The following FBXL17 variants were observed in gnomAD, a reference collection of about 807,000 sequenced individuals.
FBXL17 encodes F-box/LRR-repeat protein 17.
In FBXL17, 22 loss-of-function variants were observed where a neutral mutation model predicts 66.2. The ratio of observed to expected loss-of-function variants is 0.33; its 90% CI spans 0.24 to 0.47. The LOEUF is 0.47. FBXL17 is among the 20% of genes least tolerant of loss of function. The pLI is 1.00. For missense variants in FBXL17, 878 were observed against 948.2 expected (o/e 0.93, Z 0.97); for synonymous variants, 474 against 400.5 (o/e 1.18, Z -2.19).
intron 4 of FBXL17, among the ~76,000 whole-genome samples, chr5:108,321,234 C>T (rs756718452): frequency 5.9e-5 from 9 of 151,644 alleles, no homozygotes; most frequent in Non-Finnish European, 1.0e-4. Flanking sequence ...TCCTTAATTA[C>T]TGAGTATATA....
At chr5:108,168,045 T>C (rs1038596152) in intron 6 of FBXL17, among the ~76,000 whole-genome samples, 1 of 152,202 alleles carries the variant, frequency 6.6e-6, no homozygotes, top group Non-Finnish European at 1.5e-5. Flanking sequence ...GCTTGTCACA[T>C]CTGAATCCCA....
intron 6 of FBXL17, among the ~76,000 whole-genome samples, chr5:108,169,551 C>G (rs902853491): frequency 6.6e-6 from 1 of 151,988 alleles, no homozygotes; most frequent in African/African-American, 2.4e-5. Flanking sequence ...GCATTTTTAT[C>G]CCCCTGTATT....
At chr5:108,031,033 C>T (rs978143658) in intron 6 of FBXL17, among the ~76,000 whole-genome samples, 1 of 152,004 alleles carries the variant, frequency 6.6e-6, no homozygotes, top group Non-Finnish European at 1.5e-5. Flanking sequence ...ATTTGGGGCT[C>T]TGGGAAAAGT....
intron 4 of FBXL17, among the ~76,000 whole-genome samples, chr5:108,233,539 A>C (rs575565148): frequency 5.9e-5 from 9 of 152,318 alleles, no homozygotes; most frequent in African/African-American, 2.2e-4. Context: ...GCACATTTTG[A>C]TCTTTCAGTC....
chr5:108,110,297 T>C (rs1256234280), intron 6 of FBXL17, among the ~76,000 whole-genome samples: 1 of 152,210 alleles, frequency 6.6e-6, no homozygotes, highest in Non-Finnish European at 1.5e-5. Context: ...TCATCAGTAA[T>C]ATAGTCTATT....
intron 6 of FBXL17, among the ~76,000 whole-genome samples, chr5:108,170,722 C>T (rs1278481260): frequency 6.6e-6 from 1 of 152,056 alleles, no homozygotes; most frequent in African/African-American, 2.4e-5. Flanking sequence ...TCAGTAGAGA[C>T]AGGGTTTCAC....
At chr5:107,883,555 T>C (rs1163047114) in intron 7 of FBXL17, among the ~76,000 whole-genome samples, 1 of 152,140 alleles carries the variant, frequency 6.6e-6, no homozygotes, top group Non-Finnish European at 1.5e-5. Flanking sequence ...CTCTTCCCTT[T>C]CCCAACTCCT....
In FBXL17 at chr5:108,283,181, C is replaced by T. The variant is rs1161657090; in HGVS notation, c.1507-58953G>A. 1.2e-4 allele frequency among the ~76,000 whole-genome samples: 18 copies of T among 151,880 alleles called. No homozygotes were observed. In the East Asian group the frequency reaches 2.9e-3, roughly 24 times the overall value. On this transcript the variant is annotated intron_variant, in intron 4 of 8. Transcript: ENST00000542267. ...AAAATTGTATGGAACCAAAAAAGAACTCAAATAGCCAAAGCAATCTTGAAC... is the reference window on the plus strand; with the variant it reads ...AAAATTGTATGGAACCAAAAAAGAATTCAAATAGCCAAAGCAATCTTGAAC...
chr5:108,317,334 GTTTTTTT>G (rs796281587), intron 4 of FBXL17, among the ~76,000 whole-genome samples: 5 of 139,016 alleles, frequency 3.6e-5, no homozygotes, highest in Non-Finnish European at 7.9e-5. Context: ...TTTGTTTTTT[GTTTTTTT>G]TTTTAACTAG....
intron 7 of FBXL17, among the ~76,000 whole-genome samples, chr5:107,986,228 C>A (rs1181779080): frequency 6.6e-6 from 1 of 151,884 alleles, no homozygotes; most frequent in Non-Finnish European, 1.5e-5. Context: ...AAATATACTT[C>A]TTGCCTTCTT....
At chr5:108,344,518 C>T (rs1022302123) in intron 4 of FBXL17, among the ~76,000 whole-genome samples, 1 of 152,096 alleles carries the variant, frequency 6.6e-6, no homozygotes, top group African/African-American at 2.4e-5. Flanking sequence ...CAAACACACA[C>T]ATAACGCATA....
chr5:108,347,587 G>GT (rs2112470796), intron 4 of FBXL17, among the ~76,000 whole-genome samples: 1 of 152,210 alleles, frequency 6.6e-6, no homozygotes, highest in South Asian at 2.1e-4. Context: ...ACAAGACCAC[G>GT]TATCACGTGA....
intron 6 of FBXL17, among the ~76,000 whole-genome samples, chr5:108,032,156 A>G (rs983943202): frequency 1.3e-5 from 2 of 152,208 alleles, no homozygotes; most frequent in Admixed American, 6.6e-5. Context: ...TTCCTAAGGT[A>G]CATTTCTCAG....
Position 108,082,888 on chromosome 5 carries a change from G to A in FBXL17, c.1746-61887C>T, listed in dbSNP as rs562826041. On this transcript the variant is annotated intron_variant, in intron 6 of 8. Transcript: ENST00000542267. The stretch of plus-strand genomic sequence containing the variant: ...AGTTGAATTCTTCCAATAACTGGAG[G>A]TAAGTGGAGCCTTTCAGTAGGAGTT... 3.9e-5 allele frequency among the ~76,000 whole-genome samples: 6 copies of A among 152,298 alleles called. No homozygotes were observed. In the South Asian group the frequency reaches 1.2e-3, roughly 32 times the overall value.
At chr5:107,879,802 G>T (rs1355781493) in intron 8 of FBXL17, 2 of 985,304 alleles carry the variant, frequency 2.0e-6, no homozygotes, top group African/African-American at 3.5e-5. Context: ...CACTTTCTGA[G>T]CAAGTATCTG....
At chr5:108,045,486 G>T (rs1472583144) in intron 6 of FBXL17, among the ~76,000 whole-genome samples, 2 of 151,984 alleles carry the variant, frequency 1.3e-5, no homozygotes, top group Non-Finnish European at 2.9e-5. Context: ...CTTTCCTTCT[G>T]CTAGTGTTGG....
chr5:108,243,702 G>A (rs1208282711), intron 4 of FBXL17, among the ~76,000 whole-genome samples: 3 of 152,016 alleles, frequency 2.0e-5, no homozygotes, highest in South Asian at 2.1e-4. Context: ...TAACAGATAC[G>A]GTTAAAGACT....
intron 7 of FBXL17, among the ~76,000 whole-genome samples, chr5:107,969,324 T>C (rs1752278688): frequency 6.6e-6 from 1 of 152,126 alleles, no homozygotes; most frequent in Non-Finnish European, 1.5e-5. Flanking sequence ...CACTTTAGTA[T>C]ACACTCTTTA....
Position 108,380,964 on chromosome 5 carries a change from G to T in FBXL17, c.728C>A (p.Pro243His). 1 of 1,221,190 alleles carries T rather than the reference G, an allele frequency of 8.2e-7. No homozygotes were observed. Among genetic ancestry groups the T allele is most frequent in the Non-Finnish European group, 1.0e-6 (1 of 980,482 alleles). 75.6% of individuals were successfully genotyped at this position (1,221,190 alleles called of 1,614,324 possible). ...CGGGGCCTGGCAGCAGCCGGCGTCG[G>T]GGGGCCGGGGCGGCGAAGCGCCTCC... is the stretch of plus-strand genomic sequence containing the variant. ...AGGGASPPRP[P>H]DAGCCQAPEQ... The change falls in exon 1 of 9, where the codon CCC (proline) becomes CAC (histidine). Residue 243 changes from proline to histidine, a missense_variant. By Grantham distance (77) the Pro-to-His change is moderately conservative. This residue lies in a region of FBXL17 where 605 missense variants were observed against 509.5 expected (regional missense o/e 1.19). Coordinates refer to ENST00000542267, the MANE Select transcript of FBXL17 (RefSeq NM_001163315.3).
Sources: gnomAD v4.1 joint callset for allele counts (sites outside exome capture counted in the v4.1 genomes callset) on GRCh38, gnomAD v4.1.1 for gene constraint, gnomAD v4.1.1 regional missense constraint, MANE v1.5 for transcripts, NCBI Gene and HGNC (gene_info 2026-07-23, HGNC 2026-07-21) for gene names.